PAM: variants seen among roughly 807,000 people sequenced by gnomAD.
PAM encodes the protein peptidyl-glycine alpha-amidating monooxygenase.
Under a neutral mutation model 122.1 loss-of-function variants are expected in PAM, and 72 were observed. The observed-to-expected ratio is 0.59, with a 90% confidence interval of 0.49 to 0.72. PAM has a LOEUF of 0.72. Among genes scored for constraint, PAM ranks in the 30% least tolerant of loss-of-function variants. The pLI, the probability that PAM is intolerant of heterozygous loss-of-function variation, is 0.00. For missense variants in PAM, 1,106 were observed against 1,183.7 expected, an observed-to-expected ratio of 0.93 and a Z score of 0.96; for synonymous variants, 389 against 404.4, an observed-to-expected ratio of 0.96 and a Z score of 0.46.
chr5:102,765,336 A>T (rs961663265), intron 1 of PAM, among the ~76,000 whole-genome samples: 1 of 152,216 alleles, frequency 6.6e-6, no homozygotes, highest in African/African-American at 2.4e-5. Context: ...CCCTTCTTTC[A>T]TTCAGTGTAG....
chr5:102,991,072 A>T lies in PAM; in HGVS notation c.1613+671A>T, dbSNP rs572793549. On this transcript the variant is annotated intron_variant, in intron 16 of 25. Transcript: ENST00000438793. ...TTTTTAGTAAAAACATAGAACGGTT[A>T]TTGAGTGTTTCCTCTGAGTTACCAT... is the stretch of plus-strand genomic sequence containing the variant. Among the ~76,000 whole-genome samples the T allele has an allele frequency of 3.9e-5, 6 of 152,274 alleles. No individual in the cohort carries two copies. The South Asian group carries it at 1.0e-3, about 26-fold the overall frequency.
chr5:103,016,319 T>C (rs1318368396), intron 21 of PAM, among the ~76,000 whole-genome samples: 1 of 152,216 alleles, frequency 6.6e-6, no homozygotes, highest in African/African-American at 2.4e-5. Context: ...GTCTCATTAG[T>C]ACCCTTTGAA....
intron 1 of PAM, among the ~76,000 whole-genome samples, chr5:102,832,730 A>G (rs1293344830): frequency 6.6e-6 from 1 of 152,060 alleles, no homozygotes; most frequent in Non-Finnish European, 1.5e-5. Context: ...ACTTTCCTGA[A>G]AGAACTAGTT....
chr5:102,894,002 G>T (rs1419106129), intron 3 of PAM, among the ~76,000 whole-genome samples: 3 of 151,488 alleles, frequency 2.0e-5, no homozygotes, highest in Admixed American at 2.0e-4. Flanking sequence ...TTCTCAATCT[G>T]CCCTAGTCCC....
At chr5:102,857,026 G>T (rs756428348) in intron 1 of PAM, among the ~76,000 whole-genome samples, 2 of 152,160 alleles carry the variant, frequency 1.3e-5, no homozygotes, top group African/African-American at 2.4e-5. Context: ...CTAGGGTGAA[G>T]TTTATCTTCC....
rs756178147 is a variant in PAM at position 103,028,952 on chromosome 5, G to C, written c.2809G>C (p.Gly937Arg). ...AAGCCGTAAGGGCTACAGTCGAAAA[G>C]GGTTTGACCGGCTTAGCACTGAGGG... ...FASRKGYSRK[G>R]FDRLSTEGSD... Residue 937 changes from glycine to arginine, a missense_variant, in exon 26 of 26, where the codon GGG becomes CGG. Physicochemically the swap from Gly to Arg is moderately radical, Grantham distance 125. Transcript: ENST00000438793. 22 of 1,613,794 alleles carry C rather than the reference G, an allele frequency of 1.4e-5. No individual in the cohort carries two copies. The highest frequency in any genetic ancestry group is 1.9e-5 in the Non-Finnish European group (22 of 1,179,750).
At chr5:102,885,391 A>G (rs922654973) in intron 3 of PAM, among the ~76,000 whole-genome samples, 2 of 151,916 alleles carry the variant, frequency 1.3e-5, no homozygotes, top group Non-Finnish European at 2.9e-5. Context: ...GACATCTTTA[A>G]AATATTTTAT....
chr5:102,849,444 G>T lies in PAM; in HGVS notation c.-373-16379G>T, dbSNP rs111921185. Among the ~76,000 whole-genome samples the T allele has an allele frequency of 1.0e-3, 157 of 151,742 alleles. 1 individual carries two copies. The highest frequency in any genetic ancestry group is 3.5e-3 in the African/African-American group (146 of 41,332). ...ATGGTGGCATGCACCTGTAGTCCCA[G>T]CTACTTGGGAGGCTGAGACAGGAGA... On this transcript the variant is annotated intron_variant, in intron 1 of 25. Transcript: ENST00000438793.
chr5:102,782,524 A>T (rs1297975901), intron 1 of PAM, among the ~76,000 whole-genome samples: 1 of 152,204 alleles, frequency 6.6e-6, no homozygotes. Flanking sequence ...GAAAACATCT[A>T]TGTTTATTGA....
intron 21 of PAM, 65 bp from the exon 22 acceptor site, chr5:103,017,269 T>C: frequency 3.0e-6 from 3 of 1,014,496 alleles, no homozygotes; most frequent in Non-Finnish European, 4.6e-6. Context: ...TTTGTTTTTC[T>C]GTCTTTTCAT....
At chr5:102,817,314 C>G (rs1770212138) in intron 1 of PAM, among the ~76,000 whole-genome samples, 1 of 151,962 alleles carries the variant, frequency 6.6e-6, no homozygotes, top group Non-Finnish European at 1.5e-5. Flanking sequence ...TGTACTATCT[C>G]AATATGGTAG....
chr5:102,833,062 A>G (rs538961914), intron 1 of PAM, among the ~76,000 whole-genome samples: 14 of 152,338 alleles, frequency 9.2e-5, no homozygotes, highest in African/African-American at 3.1e-4. Flanking sequence ...CCTGACATTT[A>G]GTCAATACCT....
At chr5:102,982,499 G>A (rs1166071936) in intron 15 of PAM, among the ~76,000 whole-genome samples, 1 of 152,190 alleles carries the variant, frequency 6.6e-6, no homozygotes, top group African/African-American at 2.4e-5. Flanking sequence ...TCAGCTCACT[G>A]TTGCCACCAG....
rs576022176 is a variant in PAM at position 103,025,231 on chromosome 5, G to C, written c.2586G>C (p.Ser862=). The C allele has an allele frequency of 1.2e-6, 2 of 1,613,262 alleles. No homozygotes were observed. The highest frequency in any genetic ancestry group is 2.2e-5 in the South Asian group (2 of 91,058). The change falls in exon 24 of 26, where the codon TCG becomes TCC. Residue 862 remains serine (S), a synonymous_variant. Transcript: ENST00000438793. ...AGAAACTGATCAAAGAGCCAGGCTC[G>C]GGAGTGCCTGTTGTTCTCATTACAA... ...EKQKLIKEPG[S]GVPVVLITTL...
chr5:102,852,965 G>A (rs1159011568), intron 1 of PAM, among the ~76,000 whole-genome samples: 1 of 152,168 alleles, frequency 6.6e-6, no homozygotes, highest in Non-Finnish European at 1.5e-5. Context: ...GAATCTATTT[G>A]TGTAATTCAA....
intron 1 of PAM, among the ~76,000 whole-genome samples, chr5:102,792,381 AAAAC>A (rs546702632): frequency 6.4e-4 from 98 of 152,370 alleles, no homozygotes; most frequent in African/African-American, 2.3e-3. Context: ...GGTTACTTTC[AAAAC>A]AAACATTTAC....
intron 1 of PAM, among the ~76,000 whole-genome samples, chr5:102,791,414 T>G (rs1405196732): frequency 1.3e-5 from 2 of 152,124 alleles, no homozygotes; most frequent in African/African-American, 2.4e-5. Context: ...GAATACGTTA[T>G]AACTTGGATT....
intron 16 of PAM, among the ~76,000 whole-genome samples, chr5:102,991,684 C>G (rs1458811575): frequency 6.6e-6 from 1 of 152,078 alleles, no homozygotes; most frequent in Non-Finnish European, 1.5e-5. Context: ...AGTTGTCATA[C>G]TTGAAAATGG....
At chr5:102,885,083 A>G (rs768003322) in intron 3 of PAM, among the ~76,000 whole-genome samples, 2 of 149,590 alleles carry the variant, frequency 1.3e-5, no homozygotes, top group South Asian at 2.1e-4. Flanking sequence ...TTTAATAACT[A>G]TATATATATA....
Sources: gnomAD v4.1 joint callset for allele counts (sites outside exome capture counted in the v4.1 genomes callset) on GRCh38, gnomAD v4.1.1 for gene constraint, MANE v1.5 for transcripts, NCBI Gene and HGNC (gene_info 2026-07-23, HGNC 2026-07-21) for gene names.